The following PTGER3 variants were observed in gnomAD, a reference collection of about 807,000 sequenced individuals.
The protein encoded by PTGER3 is prostaglandin E2 receptor EP3 subtype.
A neutral mutation model predicts 34.7 loss-of-function variants in PTGER3; 22 were observed. The ratio of observed to expected loss-of-function variants is 0.63; its 90% CI spans 0.45 to 0.91. The LOEUF (loss-of-function observed/expected upper bound fraction) is 0.91. Ranked by LOEUF, PTGER3 falls within the 40% of genes least tolerant of loss-of-function variation. PTGER3 has a pLI of 0.00. For synonymous variants in PTGER3, 241 were observed against 230.1 expected, an observed-to-expected ratio of 1.05 and a Z score of -0.43; for missense variants, 468 against 519.4, an observed-to-expected ratio of 0.90 and a Z score of 0.96.
chr1:71,003,072 A>G (rs1267755804), intron 2 of PTGER3, among the ~76,000 whole-genome samples: 4 of 152,226 alleles, frequency 2.6e-5, no homozygotes, highest in Non-Finnish European at 5.9e-5. Context: ...GCAAAAATAC[A>G]TGTCATTAAT....
chr1:70,886,414 A>G (rs1646500720), intron 4 of PTGER3: 3 of 349,008 alleles, frequency 8.6e-6, no homozygotes, highest in Middle Eastern at 5.5e-4. Flanking sequence ...ACAGGGATAC[A>G]ATACCAATGG....
intron 2 of PTGER3, among the ~76,000 whole-genome samples, chr1:70,989,996 T>C (rs1655283102): frequency 1.3e-5 from 2 of 151,960 alleles, no homozygotes; most frequent in South Asian, 4.2e-4. Context: ...TGTGTGTATA[T>C]ACACATCAAG....
downstream of PTGER3, among the ~76,000 whole-genome samples, chr1:70,966,548 G>T (rs1459021605): frequency 2.6e-5 from 4 of 152,024 alleles, no homozygotes; most frequent in Admixed American, 6.6e-5. Flanking sequence ...GTGTACATGT[G>T]CTATGGTGGT....
chr1:70,982,136 G>A (rs1457060677), intron 2 of PTGER3, among the ~76,000 whole-genome samples: 2 of 152,116 alleles, frequency 1.3e-5, no homozygotes, highest in Non-Finnish European at 2.9e-5. Flanking sequence ...GTGAAATTGA[G>A]AGACTTTGAA....
intron 2 of PTGER3, among the ~76,000 whole-genome samples, chr1:70,983,284 G>GAAAAAA (rs3044618): frequency 6.7e-6 from 1 of 148,172 alleles, no homozygotes; most frequent in Non-Finnish European, 1.5e-5. Flanking sequence ...TAATTAATCT[G>GAAAAAA]AAAAAAAAAA....
Position 71,046,961 on chromosome 1 carries a change from G to A in PTGER3, c.617C>T (p.Thr206Met), listed in dbSNP as rs1340918654. The A allele has an allele frequency of 1.9e-6, 3 of 1,611,186 alleles. No homozygotes were observed. Among genetic ancestry groups the A allele is most frequent in the Non-Finnish European group, 2.5e-6 (3 of 1,178,888 alleles). Residue 206 changes from threonine to methionine, a missense_variant, in exon 1 of 4, where the codon ACG (threonine) becomes ATG (methionine). By Grantham distance (81) the Thr-to-Met change is moderately conservative (BLOSUM62 -1). Coordinates refer to ENST00000306666, the MANE Select transcript of PTGER3 (RefSeq NM_198719.2). ...VGQYTVQWPG[T>M]WCFISTGRGG... ...TCGCCCGGTGCTGATGAAGCACCAC[G>A]TCCCGGGCCACTGGACGGTGTACTG...
intron 2 of PTGER3, among the ~76,000 whole-genome samples, chr1:70,990,276 G>C (rs1176873025): frequency 6.6e-6 from 1 of 150,450 alleles, no homozygotes; most frequent in Non-Finnish European, 1.5e-5. Context: ...AGAATCACTT[G>C]AACCCGGGAG....
At chr1:70,996,357 A>G (rs1655939700) in intron 2 of PTGER3, among the ~76,000 whole-genome samples, 1 of 152,082 alleles carries the variant, frequency 6.6e-6, no homozygotes, top group Non-Finnish European at 1.5e-5. Context: ...TTTAAGAATA[A>G]TTTTACTGTT....
intron 2 of PTGER3, chr1:71,010,484 G>C (rs973797202): frequency 1.0e-6 from 1 of 983,522 alleles, no homozygotes; most frequent in Admixed American, 6.3e-5. Context: ...ATGCTGGAAG[G>C]AATAACCTAA....
At chr1:70,970,508 G>A (rs1414225766), downstream of PTGER3, among the ~76,000 whole-genome samples, 5 of 152,068 alleles carry the variant, frequency 3.3e-5, no homozygotes, top group Non-Finnish European at 1.5e-5. Flanking sequence ...CATTATAGTT[G>A]GCAGAAACGA....
At chr1:70,998,480 C>T (rs974900471) in intron 2 of PTGER3, among the ~76,000 whole-genome samples, 7 of 152,052 alleles carry the variant, frequency 4.6e-5, no homozygotes, top group Non-Finnish European at 1.0e-4. Context: ...CAACCTAGAC[C>T]CACATGATAG....
intron 2 of PTGER3, among the ~76,000 whole-genome samples, chr1:70,978,166 G>A (rs968279994): frequency 6.6e-6 from 1 of 151,978 alleles, no homozygotes; most frequent in Non-Finnish European, 1.5e-5. Context: ...CTACTGCCTC[G>A]CTCCCTCCAA....
chr1:70,986,941 C>T (rs1384276806), intron 2 of PTGER3, among the ~76,000 whole-genome samples: 2 of 152,190 alleles, frequency 1.3e-5, no homozygotes, highest in Non-Finnish European at 2.9e-5. Flanking sequence ...AGAGACCAAA[C>T]ATCTGTAAGA....
rs150975576 is a variant in PTGER3, at chr1:70,931,711, C to A, written c.*23+22052G>T. Among the ~76,000 whole-genome samples the A allele has an allele frequency of 1.4e-3, 215 of 152,284 alleles. 1 individual carries two copies. Among genetic ancestry groups the A allele is most frequent in the African/African-American group, 4.8e-3 (200 of 41,570 alleles). ...TGGCTGGAACAGCTTGGATGCAGAG[C>A]ACCAAGTTCCTGGGCTGCCCACAGC... is the stretch of plus-strand genomic sequence containing the variant. On this transcript the variant is annotated intron_variant, in intron 4 of 4. Coordinates refer to the PTGER3 transcript ENST00000370931.
chr1:70,861,718 A>G (rs1358075856), intron 4 of PTGER3, among the ~76,000 whole-genome samples: 2 of 151,852 alleles, frequency 1.3e-5, no homozygotes, highest in South Asian at 4.2e-4. Flanking sequence ...AAAAACAAAA[A>G]CTTCTCTGTA....
chr1:70,961,432 C>T (rs1651924662), intron 2 of PTGER3, among the ~76,000 whole-genome samples: 1 of 152,176 alleles, frequency 6.6e-6, no homozygotes, highest in Admixed American at 6.5e-5. Flanking sequence ...TGGCTGACCA[C>T]AGTACCCTGC....
chr1:71,026,843 T>C (rs1295265823), intron 1 of PTGER3, among the ~76,000 whole-genome samples: 1 of 152,088 alleles, frequency 6.6e-6, no homozygotes, highest in Non-Finnish European at 1.5e-5. Flanking sequence ...TTTCTCTGTA[T>C]TCTGGGTTGG....
intron 4 of PTGER3, among the ~76,000 whole-genome samples, chr1:70,911,385 A>G (rs545469323): frequency 6.6e-6 from 1 of 152,264 alleles, no homozygotes; most frequent in South Asian, 2.1e-4. Context: ...TGATAAGATC[A>G]AATATTCTTA....
chr1:70,924,042 TG>T (rs2100457234), intron 4 of PTGER3, among the ~76,000 whole-genome samples: 1 of 152,234 alleles, frequency 6.6e-6, no homozygotes, highest in Non-Finnish European at 1.5e-5. Flanking sequence ...CTTCCTGACC[TG>T]TGGTAAGTAA....
Sources: allele counts gnomAD v4.1 joint callset (sites outside exome capture counted in the v4.1 genomes callset), GRCh38; gene constraint gnomAD v4.1.1; transcripts MANE v1.5; gene names NCBI Gene and HGNC (gene_info 2026-07-23, HGNC 2026-07-21).